The following FAM107B variants were observed in gnomAD, a reference collection of about 807,000 sequenced individuals.
FAM107B encodes the protein protein FAM107B.
A neutral mutation model predicts 31.5 loss-of-function variants in FAM107B; 21 were observed. The observed-to-expected ratio is 0.67, with a 90% CI of 0.47 to 0.96. The LOEUF is 0.96. Among genes scored for constraint, FAM107B ranks in the 40% least tolerant of loss-of-function variants. FAM107B has a pLI of 0.00. For synonymous variants in FAM107B, 157 were observed against 141.5 expected (o/e 1.11, Z -0.78); for missense variants, 452 against 377.1 (o/e 1.20, Z -1.64).
intron 2 of FAM107B, among the ~76,000 whole-genome samples, chr10:14,578,815 A>T (rs1375491679): frequency 6.6e-6 from 1 of 152,216 alleles, no homozygotes; most frequent in Non-Finnish European, 1.5e-5. Flanking sequence ...CATTGTTGGG[A>T]ACAAACAATG....
At chr10:14,706,600 T>A (rs1855525723) in intron 1 of FAM107B, among the ~76,000 whole-genome samples, 1 of 152,218 alleles carries the variant, frequency 6.6e-6, no homozygotes, top group African/African-American at 2.4e-5. Flanking sequence ...CTCATCCTTA[T>A]AAATATATAT....
chr10:14,594,090 T>C (rs1280392865), intron 2 of FAM107B, among the ~76,000 whole-genome samples: 2 of 152,228 alleles, frequency 1.3e-5, no homozygotes, highest in Non-Finnish European at 2.9e-5. Flanking sequence ...GATGACATAA[T>C]TATGTGTTTT....
At chr10:14,566,873 C>T (rs56147858) in intron 2 of FAM107B, among the ~76,000 whole-genome samples, 17,573 of 152,192 alleles carry the variant, frequency 0.12, 1,117 homozygotes, top group Non-Finnish European at 0.15. Flanking sequence ...GAGGTGGGGC[C>T]GGGCGCGGTG....
chr10:14,770,537 A>T (rs991382219), intron 1 of FAM107B, among the ~76,000 whole-genome samples: 3 of 152,136 alleles, frequency 2.0e-5, no homozygotes, highest in Non-Finnish European at 4.4e-5. Context: ...AAATAAAAAT[A>T]AAAATAAAAT....
chr10:14,627,054 A>G (rs1345611220), intron 2 of FAM107B, among the ~76,000 whole-genome samples: 1 of 152,176 alleles, frequency 6.6e-6, no homozygotes, highest in Admixed American at 6.5e-5. Flanking sequence ...AGATATGACC[A>G]TAACCTGAAG....
intron 2 of FAM107B, among the ~76,000 whole-genome samples, chr10:14,652,165 A>G (rs76462565): frequency 2.2e-4 from 34 of 152,270 alleles, no homozygotes; most frequent in Non-Finnish European, 4.0e-4. Flanking sequence ...TAAAAAAAAA[A>G]AGCAGTGACT....
At chr10:14,629,315 T>C (rs1288889428) in intron 2 of FAM107B, among the ~76,000 whole-genome samples, 1 of 95,860 alleles carries the variant, frequency 1.0e-5, no homozygotes, top group African/African-American at 3.8e-5. Context: ...ATAATATATA[T>C]AATATATAAA....
At chr10:14,561,507 C>T (rs1276745908) in intron 2 of FAM107B, among the ~76,000 whole-genome samples, 4 of 152,138 alleles carry the variant, frequency 2.6e-5, no homozygotes, top group East Asian at 3.9e-4. Flanking sequence ...GTAGGGACAG[C>T]GAAGAGGCCT....
At chr10:14,563,288 C>A (rs534541413) in intron 2 of FAM107B, among the ~76,000 whole-genome samples, 17 of 152,286 alleles carry the variant, frequency 1.1e-4, no homozygotes, top group African/African-American at 4.1e-4. Context: ...GCTGATCACA[C>A]AAAATTTGGA....
intron 1 of FAM107B, among the ~76,000 whole-genome samples, chr10:14,757,705 T>C (rs1159163667): frequency 2.6e-5 from 4 of 152,198 alleles, no homozygotes; most frequent in Non-Finnish European, 5.9e-5. Context: ...CTCTAGCAGC[T>C]AAAGAAAAGA....
At chr10:14,736,644 T>C (rs1157198456) in intron 1 of FAM107B, among the ~76,000 whole-genome samples, 4 of 152,222 alleles carry the variant, frequency 2.6e-5, no homozygotes, top group Non-Finnish European at 5.9e-5. Context: ...CCAAGATCCA[T>C]GAAAAACCTT....
chr10:14,750,344 G>A (rs1426030475), intron 1 of FAM107B, among the ~76,000 whole-genome samples: 2 of 152,302 alleles, frequency 1.3e-5, no homozygotes, highest in East Asian at 3.9e-4. Context: ...GAGCATGGTG[G>A]CTCAAGCCTG....
chr10:14,605,503 T>A (rs1039750536), intron 2 of FAM107B, among the ~76,000 whole-genome samples: 1 of 152,218 alleles, frequency 6.6e-6, no homozygotes, highest in South Asian at 2.1e-4. Context: ...GTTTGGGTCA[T>A]AGTCATACTG....
At chr10:14,664,352 T>C (rs1329231313) in intron 2 of FAM107B, among the ~76,000 whole-genome samples, 1 of 152,234 alleles carries the variant, frequency 6.6e-6, no homozygotes, top group African/African-American at 2.4e-5. Flanking sequence ...CCATGAGGGA[T>C]GGAGTCAAGT....
intron 2 of FAM107B, among the ~76,000 whole-genome samples, chr10:14,545,656 A>C (rs1335161073): frequency 6.6e-6 from 1 of 152,176 alleles, no homozygotes; most frequent in Non-Finnish European, 1.5e-5. Context: ...GAAATTATAC[A>C]AGTTTTGATT....
At chr10:14,655,908 G>T in intron 2 of FAM107B, among the ~76,000 whole-genome samples, 1 of 152,154 alleles carries the variant, frequency 6.6e-6, no homozygotes, top group East Asian at 1.9e-4. Context: ...CTTGAGGCAG[G>T]TTCTGGGGTG....
At chr10:14,599,603 G>T (rs1241067076) in intron 2 of FAM107B, among the ~76,000 whole-genome samples, 2 of 152,126 alleles carry the variant, frequency 1.3e-5, no homozygotes, top group Admixed American at 1.3e-4. Flanking sequence ...AGGAGTTCAA[G>T]ATCAGCCGGG....
At chr10:14,619,708 T>TAAAAAAAAA (rs3995551) in intron 2 of FAM107B, among the ~76,000 whole-genome samples, 4 of 104,614 alleles carry the variant, frequency 3.8e-5, no homozygotes, top group Admixed American at 3.1e-4. Context: ...GTGTCCTAGC[T>TAAAAAAAAA]AAAAAAAAAA....
intron 1 of FAM107B, among the ~76,000 whole-genome samples, chr10:14,755,015 A>G (rs1271970551): frequency 1.3e-5 from 2 of 152,196 alleles, no homozygotes; most frequent in African/African-American, 4.8e-5. Context: ...CCAGGAATTG[A>G]GTCAAGAGCT....
Sources: allele counts gnomAD v4.1 joint callset (sites outside exome capture counted in the v4.1 genomes callset), GRCh38; gene constraint gnomAD v4.1.1; transcripts MANE v1.5; gene names NCBI Gene and HGNC (gene_info 2026-07-23, HGNC 2026-07-21).